The following PPIL6 variants were observed in gnomAD, a reference collection of about 807,000 sequenced individuals.
PPIL6 encodes peptidylprolyl isomerase like 6, also known as probable inactive peptidyl-prolyl cis-trans isomerase-like 6.
PPIL6 carries 39 observed loss-of-function variants against 36.8 expected under a neutral mutation model. That is an observed-to-expected ratio of 1.06 (90% confidence interval 0.82 to 1.38). The LOEUF (loss-of-function observed/expected upper bound fraction) is 1.38, where lower values mean the gene tolerates loss of function less well. Ranked by LOEUF, PPIL6 falls within the 40% of genes most tolerant of loss-of-function variation. The pLI is 0.00. For synonymous variants in PPIL6, 123 were observed against 134.1 expected (o/e 0.92, Z 0.57); for missense variants, 368 against 379.1 (o/e 0.97, Z 0.24).
At chr6:109,435,987 G>T in intron 2 of PPIL6, 117 bp downstream of exon 2, 1 of 740,904 alleles carries the variant, frequency 1.3e-6, no homozygotes, top group African/African-American at 1.8e-5. Flanking sequence ...GTAATGTAGA[G>T]AAATAAAATC....
At chr6:109,409,588 C>A (rs1013666973) in intron 6 of PPIL6, among the ~76,000 whole-genome samples, 14 of 151,120 alleles carry the variant, frequency 9.3e-5, no homozygotes, top group African/African-American at 3.4e-4. Flanking sequence ...AGAAAGAGGT[C>A]AAATTATCCT....
chr6:109,427,060 C>A, intron 4 of PPIL6, 34 bp downstream of exon 4: 1 of 1,592,190 alleles, frequency 6.3e-7, no homozygotes, highest in Non-Finnish European at 8.6e-7. Flanking sequence ...ATAGATCCTA[C>A]CCCCACAAAC....
intron 5 of PPIL6, among the ~76,000 whole-genome samples, chr6:109,424,486 T>G (rs1773716912): frequency 6.6e-6 from 1 of 152,128 alleles, no homozygotes; most frequent in Admixed American, 6.5e-5. Flanking sequence ...AAAACCACGT[T>G]TAGCTCCTGT....
chr6:109,440,047 G>C (rs1774717070), intron 1 of PPIL6: 1 of 273,856 alleles, frequency 3.7e-6, no homozygotes, highest in East Asian at 1.6e-4. Context: ...CTTGGGCCGA[G>C]GTGGCGGGGT....
intron 1 of PPIL6, among the ~76,000 whole-genome samples, chr6:109,439,545 C>CT (rs969494955): frequency 2.0e-5 from 3 of 152,004 alleles, no homozygotes; most frequent in African/African-American, 7.3e-5. Context: ...TTAGTAGAAA[C>CT]GGGGTTTCAC....
chr6:109,406,677 A>G (rs1389332242), intron 6 of PPIL6, among the ~76,000 whole-genome samples: 1 of 152,202 alleles, frequency 6.6e-6, no homozygotes, highest in Non-Finnish European at 1.5e-5. Context: ...CAGTTCATAT[A>G]GGAAAGGTGG....
chr6:109,432,367 C>T (rs574967874), intron 2 of PPIL6, among the ~76,000 whole-genome samples: 1 of 152,176 alleles, frequency 6.6e-6, no homozygotes, highest in Non-Finnish European at 1.5e-5. Context: ...TTTTCATCAA[C>T]ACAACGCTGA....
chr6:109,436,423 A>G (rs1237317143), intron 1 of PPIL6, among the ~76,000 whole-genome samples: 3 of 152,164 alleles, frequency 2.0e-5, no homozygotes, highest in Non-Finnish European at 4.4e-5. Context: ...GAAGCCAAGA[A>G]CTATGTCTTA....
chr6:109,430,420 T>C (rs966617911), intron 3 of PPIL6, among the ~76,000 whole-genome samples: 3 of 149,112 alleles, frequency 2.0e-5, no homozygotes, highest in African/African-American at 7.4e-5. Flanking sequence ...TCTTGCTAAC[T>C]ATGTGTTCAT....
At chr6:109,405,823 C>G (rs57919077) in intron 6 of PPIL6, among the ~76,000 whole-genome samples, 21,672 of 152,104 alleles carry the variant, frequency 0.14, 4,145 homozygotes, top group African/African-American at 0.44. Context: ...TGCTCAAAAG[C>G]TGCAACTCTT....
chr6:109,393,660 C>T (rs1483450641), intron 7 of PPIL6, among the ~76,000 whole-genome samples: 2 of 152,228 alleles, frequency 1.3e-5, no homozygotes, highest in African/African-American at 2.4e-5. Flanking sequence ...CTATCTCCCA[C>T]GGCCTCTCGG....
intron 1 of PPIL6, among the ~76,000 whole-genome samples, chr6:109,439,735 C>T (rs926148638): frequency 4.6e-5 from 7 of 152,186 alleles, no homozygotes; most frequent in Admixed American, 3.3e-4. Context: ...AAGTGAGCTT[C>T]GGCGAGAAGT....
In PPIL6 at chr6:109,427,117, G is replaced by C. The variant is rs1369169814; in HGVS notation, c.460C>G (p.Pro154Ala). 1.2e-6 allele frequency: 2 copies of C among 1,611,754 alleles called. No homozygotes were observed. Among genetic ancestry groups the C allele is most frequent in the Admixed American group, 1.7e-5 (1 of 59,976 alleles). Residue 154 changes from proline to alanine, a missense_variant, in exon 4 of 8, where the codon CCA (proline) becomes GCA (alanine). Transcript: ENST00000521072. Reference protein sequence around the residue: ...VFLDICIDSSPIGRLIFELYC... With the variant: ...VFLDICIDSSAIGRLIFELYC... ...ACCTCAAAAATCAATCTTCCAATTGGAGAAGAATCAATACAAATGTCCAAA... is the reference window on the plus strand; with the variant it reads ...ACCTCAAAAATCAATCTTCCAATTGCAGAAGAATCAATACAAATGTCCAAA...
In PPIL6 at chr6:109,436,160, T is replaced by C; in HGVS notation, c.175A>G (p.Ile59Val). The C allele has an allele frequency of 2.5e-6, 4 of 1,584,004 alleles. No homozygotes were observed. Among genetic ancestry groups the C allele is most frequent in the Non-Finnish European group, 3.5e-6 (4 of 1,153,052 alleles). The change falls in exon 2 of 8, where the codon ATA (isoleucine) becomes GTA (valine). Residue 59 changes from isoleucine (I) to valine (V), a missense_variant. Transcript: ENST00000521072. Reference sequence around the variant, plus strand: ...GCAAATTCTTGAAGAGGAACTAATATAGGATCTTCAAATTTGGATGGATGA... The same window carrying C: ...GCAAATTCTTGAAGAGGAACTAATACAGGATCTTCAAATTTGGATGGATGA... ...NNHPSKFEDP[I>V]LVPLQEFAWH...
Position 109,428,553 on chromosome 6 carries a change from G to GAA in PPIL6, c.421-1399_421-1398dup, listed in dbSNP as rs57264975. 4.3e-3 allele frequency among the ~76,000 whole-genome samples: 159 copies of GAA among 36,940 alleles called. 2 individuals carry two copies. Among genetic ancestry groups the GAA allele is most frequent in the Middle Eastern group, 0.024 (1 of 42 alleles). The allele number at this position is 36,940 out of a possible 152,430, so 24.2% of individuals were successfully genotyped here. ...GGGTGACAGAGTGAGACCCTATGAA[G>GAA]AAAAAAAAAAAAAAAAAACCACCTT... On this transcript the variant is annotated intron_variant, in intron 3 of 7. Coordinates refer to ENST00000521072, the MANE Select transcript of PPIL6 (RefSeq NM_173672.5).
At chr6:109,435,604 G>A (rs918602382) in intron 2 of PPIL6, among the ~76,000 whole-genome samples, 1 of 150,910 alleles carries the variant, frequency 6.6e-6, no homozygotes, top group African/African-American at 2.4e-5. Flanking sequence ...CCCAAATGTT[G>A]TAGTCAAAAA....
chr6:109,418,027 TC>T (rs1202294725), intron 6 of PPIL6: 1 of 152,298 alleles, frequency 6.6e-6, no homozygotes, highest in Non-Finnish European at 1.5e-5. Flanking sequence ...ACATTAGTTT[TC>T]CTAAATGTTT....
rs751053126 is a variant in PPIL6, at chr6:109,427,135, T to C, written c.442A>G (p.Ile148Val). ...CCAATTGGAGAAGAATCAATACAAA[T>C]GTCCAAAAACACGAAATCATGCTGT... is the stretch of plus-strand genomic sequence containing the variant. The part of the protein sequence containing the change: ...DTKHDFVFLD[I>V]CIDSSPIGRL... The change falls in exon 4 of 8, where the codon ATT becomes GTT. Residue 148 changes from isoleucine to valine, a missense_variant. Ile to Val is a conservative substitution (Grantham distance 29). Coordinates refer to ENST00000521072, the MANE Select transcript of PPIL6 (RefSeq NM_173672.5). 11 of 1,611,852 alleles carry C rather than the reference T, an allele frequency of 6.8e-6. No homozygotes were observed. Among genetic ancestry groups the C allele is most frequent in the East Asian group, 2.2e-5 (1 of 44,786 alleles).
chr6:109,434,418 T>C (rs1353724012), intron 2 of PPIL6, among the ~76,000 whole-genome samples: 4 of 152,136 alleles, frequency 2.6e-5, no homozygotes, highest in African/African-American at 9.7e-5. Flanking sequence ...AGAATATATA[T>C]GTGTGTTTGT....
Sources: allele counts gnomAD v4.1 joint callset (sites outside exome capture counted in the v4.1 genomes callset), GRCh38; gene constraint gnomAD v4.1.1; transcripts MANE v1.5; gene names NCBI Gene and HGNC (gene_info 2026-07-23, HGNC 2026-07-21).